CTNND2: variants seen among roughly 807,000 people sequenced by gnomAD.
The protein encoded by CTNND2 is catenin delta-2.
CTNND2 carries 22 observed loss-of-function variants against 144.4 expected under a neutral mutation model. The observed-to-expected ratio is 0.15, with a 90% CI of 0.11 to 0.22. The LOEUF (loss-of-function observed/expected upper bound fraction) is 0.22. CTNND2 is among the 10% of genes least tolerant of loss of function. The probability of loss-of-function intolerance (pLI) is 1.00; values close to 1 mark genes in which losing one functional copy is unlikely to be tolerated. For missense variants in CTNND2, 1,353 were observed against 1,618.8 expected (o/e 0.84, Z 2.82); for synonymous variants, 751 against 695.6 (o/e 1.08, Z -1.25).
At chr5:11,740,942 A>G (rs1581804795) in intron 1 of CTNND2, among the ~76,000 whole-genome samples, 2 of 152,166 alleles carry the variant, frequency 1.3e-5, no homozygotes, top group Admixed American at 1.3e-4. Context: ...GACAACATTT[A>G]TGCAGCCAAC....
intron 13 of CTNND2, among the ~76,000 whole-genome samples, chr5:11,113,471 G>A (rs1317437239): frequency 1.3e-5 from 2 of 152,082 alleles, no homozygotes; most frequent in Admixed American, 1.3e-4. Context: ...CCGCAACACC[G>A]GGAATATTTA....
intron 11 of CTNND2, among the ~76,000 whole-genome samples, chr5:11,181,365 C>T (rs947075229): frequency 1.3e-5 from 2 of 152,140 alleles, no homozygotes; most frequent in Non-Finnish European, 2.9e-5. Flanking sequence ...TAGCTGCAGT[C>T]TCCTGGGGGC....
At chr5:11,375,714 A>AT (rs1757860801) in intron 7 of CTNND2, among the ~76,000 whole-genome samples, 1 of 152,196 alleles carries the variant, frequency 6.6e-6, no homozygotes, top group South Asian at 2.1e-4. Flanking sequence ...CATTATCCAG[A>AT]TAATACTGTT....
intron 16 of CTNND2, among the ~76,000 whole-genome samples, chr5:11,045,835 T>C (rs984292200): frequency 5.3e-5 from 8 of 152,180 alleles, no homozygotes; most frequent in Non-Finnish European, 8.8e-5. Context: ...CACTACACTT[T>C]CCTTATCTCC....
chr5:11,651,177 C>T (rs1782631229), intron 2 of CTNND2, among the ~76,000 whole-genome samples: 1 of 152,168 alleles, frequency 6.6e-6, no homozygotes, highest in Non-Finnish European at 1.5e-5. Context: ...CAGGACACTG[C>T]TCCCTGTGTC....
intron 2 of CTNND2, among the ~76,000 whole-genome samples, chr5:11,628,942 A>G (rs1421143547): frequency 6.6e-6 from 1 of 152,182 alleles, no homozygotes; most frequent in Non-Finnish European, 1.5e-5. Flanking sequence ...TAGCAATTAG[A>G]AATGTCTAAA....
chr5:11,665,939 T>A (rs951828498), intron 2 of CTNND2, among the ~76,000 whole-genome samples: 1 of 152,182 alleles, frequency 6.6e-6, no homozygotes, highest in African/African-American at 2.4e-5. Flanking sequence ...TCCTTGATAA[T>A]CATCAATCAG....
At chr5:11,535,399 C>T (rs1485522366) in intron 3 of CTNND2, among the ~76,000 whole-genome samples, 1 of 152,082 alleles carries the variant, frequency 6.6e-6, no homozygotes, top group Non-Finnish European at 1.5e-5. Flanking sequence ...TGGATGTTAG[C>T]AGTATGGGAT....
At chr5:11,224,755 C>T (rs964926765) in intron 10 of CTNND2, among the ~76,000 whole-genome samples, 1 of 152,166 alleles carries the variant, frequency 6.6e-6, no homozygotes, top group Non-Finnish European at 1.5e-5. Flanking sequence ...CAGTTTCTCC[C>T]ACTTACTAAC....
intron 2 of CTNND2, among the ~76,000 whole-genome samples, chr5:11,703,597 T>C (rs1436993832): frequency 2.0e-5 from 3 of 152,230 alleles, no homozygotes; most frequent in Non-Finnish European, 2.9e-5. Flanking sequence ...AATGCTATGT[T>C]CCAGGTACTT....
intron 2 of CTNND2, among the ~76,000 whole-genome samples, chr5:11,565,666 G>A (rs534851574): frequency 6.6e-6 from 1 of 151,996 alleles, no homozygotes; most frequent in Admixed American, 6.6e-5. Flanking sequence ...TTGATATATC[G>A]CCTTAAAAAC....
At chr5:11,028,678 T>C (rs1743118830) in intron 16 of CTNND2, among the ~76,000 whole-genome samples, 1 of 152,198 alleles carries the variant, frequency 6.6e-6, no homozygotes, top group Non-Finnish European at 1.5e-5. Flanking sequence ...TTAAGGTTCA[T>C]CCATGTTGTA....
At chr5:11,092,407 G>T (rs536097418) in intron 15 of CTNND2, among the ~76,000 whole-genome samples, 2 of 152,268 alleles carry the variant, frequency 1.3e-5, no homozygotes, top group African/African-American at 4.8e-5. Context: ...TTAAAAATGG[G>T]TTTTCTCCAT....
intron 3 of CTNND2, among the ~76,000 whole-genome samples, chr5:11,467,321 G>T (rs1766774429): frequency 6.6e-6 from 1 of 152,194 alleles, no homozygotes; most frequent in Non-Finnish European, 1.5e-5. Flanking sequence ...CATGGTTTCT[G>T]CTCGTCCTGG....
intron 1 of CTNND2, among the ~76,000 whole-genome samples, chr5:11,892,628 G>A (rs1055521806): frequency 6.6e-6 from 1 of 151,738 alleles, no homozygotes; most frequent in Non-Finnish European, 1.5e-5. Flanking sequence ...GATCTTGAGA[G>A]AAACTGCCAA....
At chr5:11,446,336 A>G (rs1026176041) in intron 3 of CTNND2, among the ~76,000 whole-genome samples, 2 of 152,180 alleles carry the variant, frequency 1.3e-5, no homozygotes, top group Non-Finnish European at 2.9e-5. Flanking sequence ...GATGCTAGCA[A>G]TGACTCCAGT....
At chr5:11,677,362 G>T (rs1422142224) in intron 2 of CTNND2, among the ~76,000 whole-genome samples, 1 of 152,192 alleles carries the variant, frequency 6.6e-6, no homozygotes, top group Admixed American at 6.5e-5. Context: ...ATCTGCCCCT[G>T]AGTAGAGCTC....
intron 3 of CTNND2, among the ~76,000 whole-genome samples, chr5:11,443,469 G>C (rs749475254): frequency 4.0e-5 from 6 of 151,406 alleles, no homozygotes; most frequent in Non-Finnish European, 8.8e-5. Context: ...GTGTGTGTGT[G>C]TGCATACATA....
chr5:11,577,017 G>T (rs1003134126), intron 2 of CTNND2, among the ~76,000 whole-genome samples: 2 of 152,166 alleles, frequency 1.3e-5, no homozygotes, highest in South Asian at 4.1e-4. Flanking sequence ...ATGAAATGCC[G>T]AGAGCGTGCC....
Sources: gnomAD v4.1 joint callset for allele counts (sites outside exome capture counted in the v4.1 genomes callset) on GRCh38, gnomAD v4.1.1 for gene constraint, MANE v1.5 for transcripts, NCBI Gene and HGNC (gene_info 2026-07-23, HGNC 2026-07-21) for gene names.